TRPM8: variants seen among roughly 807,000 people sequenced by gnomAD.
TRPM8 encodes the protein TRPM8 cationic channel.
TRPM8 carries 110 observed loss-of-function variants against 133.7 expected under a neutral mutation model. The ratio of observed to expected loss-of-function variants is 0.82; its 90% confidence interval spans 0.70 to 0.96. The LOEUF (loss-of-function observed/expected upper bound fraction) is 0.96. TRPM8 is among the 40% of genes least tolerant of loss of function. The pLI is 0.00. For missense variants in TRPM8, 1,291 were observed against 1,379.5 expected (o/e 0.94, Z 1.02); for synonymous variants, 535 against 532.3 (o/e 1.01, Z -0.07).
intron 11 of TRPM8, among the ~76,000 whole-genome samples, chr2:233,956,584 T>G (rs775670639): frequency 3.3e-5 from 5 of 152,242 alleles, no homozygotes; most frequent in Non-Finnish European, 7.3e-5. Context: ...TGTATAGATT[T>G]GAAGGTGCAT....
rs769461648 is a variant in TRPM8, at chr2:233,983,179, G to A, written c.2716G>A (p.Glu906Lys). The change falls in exon 20 of 26, where the codon GAG (glutamate) becomes AAG (lysine). Residue 906 changes from glutamate to lysine, a missense_variant. Physicochemically the swap from Glu to Lys is moderately conservative, Grantham distance 56 (BLOSUM62 1). Coordinates refer to ENST00000324695, the MANE Select transcript of TRPM8 (RefSeq NM_024080.5). ...WRWIFRSVIY[E>K]PYLAMFGQVP... ...GTGGATATTCCGTTCGGTCATCTAC[G>A]AGCCCTACCTGGCCATGTTCGGCCA... The A allele has an allele frequency of 9.3e-6, 15 of 1,613,990 alleles. No homozygotes were observed. Among genetic ancestry groups the A allele is most frequent in the Admixed American group, 3.3e-5 (2 of 60,002 alleles).
In TRPM8 at chr2:233,966,753, C is replaced by A; in HGVS notation, c.2023C>A (p.Gln675Lys). ...DQHFIAQPGV[Q>K]NFLSKQWYGE... is the part of the protein sequence containing the mutation. ...GCATTTCATCGCCCAGCCTGGGGTCCAGGTAAACCATACTCAGCCACCAGA... is the reference window on the plus strand; with the variant it reads ...GCATTTCATCGCCCAGCCTGGGGTCAAGGTAAACCATACTCAGCCACCAGA... The change falls in exon 15 of 26, where the codon CAG (glutamine) becomes AAG (lysine). Residue 675 changes from glutamine (Q) to lysine (K), a missense_variant and splice_region_variant. Physicochemically the swap from Gln to Lys is moderately conservative, Grantham distance 53. Transcript: ENST00000324695. 1 of 1,564,140 alleles carries A rather than the reference C, an allele frequency of 6.4e-7. No individual in the cohort carries two copies. Among genetic ancestry groups the A allele is most frequent in the Admixed American group, 1.8e-5 (1 of 55,042 alleles).
Position 233,945,901 on chromosome 2 carries a change from C to T in TRPM8, c.745C>T (p.Pro249Ser), listed in dbSNP as rs201941040. 5.0e-6 allele frequency: 8 copies of T among 1,614,112 alleles called. No individual in the cohort carries two copies. The highest frequency in any genetic ancestry group is 5.9e-6 in the Non-Finnish European group (7 of 1,179,988). ...CCTTATGGATGACTTCACAAGAGAT[C>T]CACTGTATATCCTGGACAACAACCA... ...QYLMDDFTRD[P>S]LYILDNNHTH... The change falls in exon 7 of 26, where the codon CCA (proline) becomes TCA (serine). Residue 249 changes from proline to serine, a missense_variant. Pro to Ser is a moderately conservative substitution (Grantham distance 74, BLOSUM62 -1). Around this residue, in one of 2 missense-constraint regions of TRPM8, gnomAD observed 963 missense variants for 968.9 expected, o/e 0.99. Transcript: ENST00000324695.
chr2:233,960,887 G>A lies in TRPM8; in HGVS notation c.1474G>A (p.Val492Ile), dbSNP rs200514662. 1 of 1,614,028 alleles carries A rather than the reference G, an allele frequency of 6.2e-7. No homozygotes were observed. The highest frequency in any genetic ancestry group is 8.5e-7 in the Non-Finnish European group (1 of 1,180,054). ...LNLRKFLTHD[V>I]LTELFSNHFS... ...CCTACGGAAGTTTCTCACCCATGAT[G>A]TCCTCACTGAACTCTTCTCCAACCA... Residue 492 changes from valine to isoleucine, a missense_variant, in exon 12 of 26, where the codon GTC becomes ATC. By Grantham distance (29) the Val-to-Ile change is conservative. This residue lies in a region of TRPM8 where 963 missense variants were observed against 968.9 expected (regional missense o/e 0.99). Transcript: ENST00000324695.
rs1163314321 is a variant in TRPM8, at chr2:233,999,172, A to AGCTGG, written c.3130+2667_3130+2671dup. Among the ~76,000 whole-genome samples the AGCTGG allele has an allele frequency of 3.6e-3, 550 of 151,504 alleles. 12 individuals carry two copies. The highest frequency in any genetic ancestry group is 0.012 in the African/African-American group (512 of 41,106). On this transcript the variant is annotated intron_variant, in intron 22 of 25. Transcript: ENST00000324695. ...GGCAGGGCAGGGCAGGGCAGGGCAGAGCTGGGCTGGGCTGGCTGCCTCTGT... is the reference window on the plus strand; with the variant it reads ...GGCAGGGCAGGGCAGGGCAGGGCAGAGCTGGGCTGGGCTGGGCTGGCTGCCTCTGT...
chr2:233,969,835 T>C (rs769369884), intron 16 of TRPM8, 28 bp downstream of exon 16: 1 of 1,372,012 alleles, frequency 7.3e-7, no homozygotes, highest in Admixed American at 1.7e-5. Context: ...TAATCGTGTG[T>C]GAGTGTGTGT....
intron 1 of TRPM8, among the ~76,000 whole-genome samples, chr2:233,925,336 A>G (rs1329391970): frequency 1.3e-5 from 2 of 152,232 alleles, no homozygotes; most frequent in Non-Finnish European, 2.9e-5. Context: ...CAAACAGATC[A>G]TTAAACAAAT....
intron 21 of TRPM8, among the ~76,000 whole-genome samples, chr2:233,992,289 C>A (rs1411221509): frequency 6.6e-6 from 1 of 150,826 alleles, no homozygotes; most frequent in Non-Finnish European, 1.5e-5. Context: ...TCTTTCTCTT[C>A]CTAATCAGAA....
rs28901609 is a variant in TRPM8 at position 233,927,014 on chromosome 2, C to T, written c.117+360C>T. 0.015 allele frequency among the ~76,000 whole-genome samples: 2,332 copies of T among 152,198 alleles called. 212 individuals carry two copies. In the East Asian group the frequency reaches 0.23, roughly 15 times the overall value. ...AGCTGGAGTCGGGGTTGGGTGCCAG[C>T]GGGAGGTGTGTCCTTAGCACCTCTC... On this transcript the variant is annotated intron_variant, in intron 2 of 25. Coordinates refer to ENST00000324695, the MANE Select transcript of TRPM8 (RefSeq NM_024080.5).
In TRPM8 at chr2:233,980,240, C is replaced by T. The variant is rs200017552; in HGVS notation, c.2408C>T (p.Thr803Met). The T allele has an allele frequency of 2.8e-5, 45 of 1,601,470 alleles. No homozygotes were observed. In the East Asian group the frequency reaches 4.3e-4, roughly 15 times the overall value. ...ACTGACCTGTGGAATGTGATGGACA[C>T]GCTGGGGCTTTTTTACTTCATAGCA... The part of the protein sequence containing the change: ...YFTDLWNVMD[T>M]LGLFYFIAGI... The change falls in exon 18 of 26, where the codon ACG (threonine) becomes ATG (methionine). Residue 803 changes from threonine (T) to methionine (M), a missense_variant. Thr to Met is a moderately conservative substitution (Grantham distance 81, BLOSUM62 -1). This residue lies in a region of TRPM8 where 328 missense variants were observed against 410.6 expected (regional missense o/e 0.80). Transcript: ENST00000324695.
intron 20 of TRPM8, 80 bp from the exon 21 acceptor site, chr2:233,985,608 G>A (rs1471102146): frequency 1.5e-6 from 2 of 1,377,904 alleles, no homozygotes; most frequent in African/African-American, 2.8e-5. Flanking sequence ...CCACTGACAT[G>A]TTCTTGTGGC....
chr2:234,008,122 T>A lies in TRPM8; in HGVS notation c.3264+19T>A. 1 of 1,587,440 alleles carries A rather than the reference T, an allele frequency of 6.3e-7. No individual in the cohort carries two copies. The highest frequency in any genetic ancestry group is 8.5e-7 in the Non-Finnish European group (1 of 1,173,812). ...TACAAAGGTATGGTTCTGTTAATAG[T>A]TTGGATTTTTTTTTTTTTTTGGTCA... On this transcript the variant is annotated intron_variant, in intron 24 of 25. Transcript: ENST00000324695.
intron 25 of TRPM8, 39 bp downstream of exon 25, chr2:234,014,693 T>G: frequency 1.3e-6 from 1 of 747,604 alleles, no homozygotes; most frequent in Non-Finnish European, 2.1e-6. Flanking sequence ...GCTCTGAAGA[T>G]TTGCATCTTT....
chr2:233,926,591 G>A lies in TRPM8; in HGVS notation c.54G>A (p.Leu18=), dbSNP rs1424497847. The A allele has an allele frequency of 3.0e-5, 48 of 1,614,012 alleles. No individual in the cohort carries two copies. Among genetic ancestry groups the A allele is most frequent in the Admixed American group, 5.0e-5 (3 of 59,996 alleles). The change falls in exon 2 of 26, where the codon CTG becomes CTA. Residue 18 remains leucine, a synonymous_variant. Transcript: ENST00000324695. ...LSMRNRRNDT[L]DSTRTLYSSA... ...TGAGGAACAGAAGGAATGACACTCT[G>A]GACAGCACCCGGACCCTGTACTCCA...
intron 14 of TRPM8, among the ~76,000 whole-genome samples, chr2:233,966,343 G>A (rs1691574660): frequency 1.3e-5 from 2 of 152,090 alleles, no homozygotes; most frequent in South Asian, 4.2e-4. Flanking sequence ...CAAAGAGAGG[G>A]GCTCCCTCTG....
chr2:233,955,809 C>T (rs999299620), intron 11 of TRPM8, among the ~76,000 whole-genome samples: 7 of 152,276 alleles, frequency 4.6e-5, no homozygotes, highest in African/African-American at 9.6e-5. Context: ...GAGCAGTGGG[C>T]GAGCAAGTGA....
intron 22 of TRPM8, among the ~76,000 whole-genome samples, chr2:234,004,692 A>G (rs904861251): frequency 2.0e-5 from 3 of 152,222 alleles, no homozygotes; most frequent in African/African-American, 7.2e-5. Flanking sequence ...TCGGAAAGCA[A>G]TCCATATTCA....
Position 233,969,743 on chromosome 2 carries a change from A to G in TRPM8, c.2074A>G (p.Asn692Asp). 1.2e-6 allele frequency: 2 copies of G among 1,614,068 alleles called. No individual in the cohort carries two copies. Among genetic ancestry groups the G allele is most frequent in the Non-Finnish European group, 1.7e-6 (2 of 1,179,926 alleles). Residue 692 changes from asparagine to aspartate, a missense_variant, in exon 16 of 26, where the codon AAC becomes GAC. Transcript: ENST00000324695. Reference protein sequence around the residue: ...WYGEISRDTKNWKIILCLFII... With the variant: ...WYGEISRDTKDWKIILCLFII... ...TGGAGAGATTTCCCGAGACACCAAG[A>G]ACTGGAAGATTATCCTGTGTCTGTT...
At chr2:234,015,467 G>A (rs927216726) in intron 25 of TRPM8, among the ~76,000 whole-genome samples, 1 of 151,312 alleles carries the variant, frequency 6.6e-6, no homozygotes, top group Admixed American at 6.6e-5. Flanking sequence ...TTGAGTACCT[G>A]CTCAGTGCTC....
Sources: allele counts gnomAD v4.1 joint callset (sites outside exome capture counted in the v4.1 genomes callset), GRCh38; gene constraint gnomAD v4.1.1; regional missense constraint gnomAD v4.1.1; transcripts MANE v1.5; gene names NCBI Gene and HGNC (gene_info 2026-07-23, HGNC 2026-07-21).